The following MFSD1 variants were observed in gnomAD, a reference collection of about 807,000 sequenced individuals.
The protein encoded by MFSD1 is major facilitator superfamily domain containing 1, also known as lysosomal dipeptide transporter MFSD1.
MFSD1 carries 59 observed loss-of-function variants against 67.1 expected under a neutral mutation model. The observed-to-expected ratio is 0.88, with a 90% confidence interval of 0.71 to 1.09. MFSD1 has a LOEUF of 1.09. Among genes scored for constraint, MFSD1 ranks in the 50% least tolerant of loss-of-function variants. The pLI is 0.00. For synonymous variants in MFSD1, 213 were observed against 200.3 expected (o/e 1.06, Z -0.54); for missense variants, 552 against 566.1 (o/e 0.97, Z 0.25).
chr3:158,809,153 GTTTTT>G lies in MFSD1; in HGVS notation c.441-15_441-11del. 1 of 1,205,250 alleles carries G rather than the reference GTTTTT, an allele frequency of 8.3e-7. No individual in the cohort carries two copies. The highest frequency in any genetic ancestry group is 2.6e-5 in the East Asian group (1 of 39,042). The allele number at this position is 1,205,250 out of a possible 1,614,324, so 74.7% of individuals were successfully genotyped here. A position where few individuals can be genotyped will look rare whatever the true frequency, so the allele number is the denominator to read the frequency against. On this transcript the variant is annotated intron_variant, in intron 5 of 15. Transcript: ENST00000415822. ...TATTTCTTTAAAGTTGTGACTTCTG[GTTTTT>G]TTTTTTTTTTCTATTTTTAGGATTG...
In MFSD1 at chr3:158,822,035, G is replaced by A; in HGVS notation, c.972G>A (p.Val324=). The A allele has an allele frequency of 1.2e-6, 2 of 1,613,858 alleles. No individual in the cohort carries two copies. Among genetic ancestry groups the A allele is most frequent in the Non-Finnish European group, 8.5e-7 (1 of 1,179,830 alleles). Reference sequence around the variant, plus strand: ...TGTCCCCGGTGTTTGGGCTCCTGGTGGATAAAACAGGGAAGAACATCATCT... The same window carrying A: ...TGTCCCCGGTGTTTGGGCTCCTGGTAGATAAAACAGGGAAGAACATCATCT... ...APMSPVFGLL[V]DKTGKNIIWV... Residue 324 remains valine (V), a synonymous_variant, in exon 11 of 16, where the codon GTG becomes GTA. Transcript: ENST00000415822.
At chr3:158,826,103 G>T (rs768038581) in intron 14 of MFSD1, 41 bp downstream of exon 14, 1 of 1,571,912 alleles carries the variant, frequency 6.4e-7, no homozygotes, top group South Asian at 1.1e-5. Context: ...AACCGCAGTG[G>T]ATCATCTTGT....
chr3:158,802,568 G>A (rs1458613298), intron 1 of MFSD1: 3 of 696,924 alleles, frequency 4.3e-6, no homozygotes, highest in Admixed American at 4.0e-5. Context: ...TTGCTCTTCA[G>A]TAAGTCCCAG....
At chr3:158,805,896 T>C (rs1729697644) in intron 3 of MFSD1, among the ~76,000 whole-genome samples, 1 of 152,184 alleles carries the variant, frequency 6.6e-6, no homozygotes, top group South Asian at 2.1e-4. Flanking sequence ...GGATGTACAG[T>C]ATTTGGCACA....
At chr3:158,802,429 T>TA in intron 1 of MFSD1, 114 bp downstream of exon 1, 1 of 1,213,798 alleles carries the variant, frequency 8.2e-7, no homozygotes, top group Non-Finnish European at 1.2e-6. Flanking sequence ...GCTTCTGTCT[T>TA]AAGCTCCTGG....
intron 5 of MFSD1, 142 bp downstream of exon 5, chr3:158,807,605 T>G: frequency 1.5e-6 from 1 of 654,174 alleles, no homozygotes; most frequent in Non-Finnish European, 2.6e-6. Flanking sequence ...GAGTATTTCT[T>G]AGTTGTCTTA....
intron 7 of MFSD1, among the ~76,000 whole-genome samples, chr3:158,817,726 C>G (rs1418366379): frequency 6.6e-6 from 1 of 152,142 alleles, no homozygotes; most frequent in Non-Finnish European, 1.5e-5. Flanking sequence ...CAATGACTTT[C>G]TTCACAGAAT....
intron 7 of MFSD1, 72 bp from the exon 8 acceptor site, chr3:158,819,577 C>T (rs1730558705): frequency 2.4e-6 from 2 of 825,334 alleles, no homozygotes; most frequent in Admixed American, 2.9e-5. Flanking sequence ...ATGTAATGTA[C>T]TTCTCCTTAG....
At chr3:158,828,676 T>A (rs1731135280) in intron 15 of MFSD1, among the ~76,000 whole-genome samples, 1 of 152,168 alleles carries the variant, frequency 6.6e-6, no homozygotes, top group Non-Finnish European at 1.5e-5. Context: ...AAAAGTATGC[T>A]GTCACATGCT....
At chr3:158,804,897 G>A (rs1729648054) in intron 2 of MFSD1, among the ~76,000 whole-genome samples, 1 of 152,094 alleles carries the variant, frequency 6.6e-6, no homozygotes, top group South Asian at 2.1e-4. Context: ...CTTTGGACAG[G>A]GAAAATGCAT....
intron 15 of MFSD1, among the ~76,000 whole-genome samples, chr3:158,827,822 A>T (rs578062800): frequency 2.6e-5 from 4 of 152,052 alleles, no homozygotes; most frequent in Non-Finnish European, 5.9e-5. Context: ...GAAAATTTAA[A>T]AATGGATATT....
At chr3:158,816,301 C>G (rs572783603) in intron 7 of MFSD1, among the ~76,000 whole-genome samples, 2,702 of 152,262 alleles carry the variant, frequency 0.018, 67 homozygotes, top group African/African-American at 0.061. Flanking sequence ...TTCTCCACAT[C>G]CTCTCCAGCA....
In MFSD1 at chr3:158,829,639, A is replaced by G. The variant is rs1410019713; in HGVS notation, c.*657A>G. 1 of 152,248 alleles carries G rather than the reference A, an allele frequency of 6.6e-6. No homozygotes were observed. Among genetic ancestry groups the G allele is most frequent in the Non-Finnish European group, 1.5e-5 (1 of 68,028 alleles). 9.4% of individuals were successfully genotyped at this position (152,248 alleles called of 1,614,324 possible). On this transcript the variant is annotated 3_prime_UTR_variant, in exon 16 of 16. Transcript: ENST00000415822. Reference sequence around the variant, plus strand: ...AAACTTTCTGTACAGTTTTTCTTATAGTCTAATAAGTAAAAAGTGTCCTTC... The same window carrying G: ...AAACTTTCTGTACAGTTTTTCTTATGGTCTAATAAGTAAAAAGTGTCCTTC...
At chr3:158,803,918 C>G (rs1344629574) in intron 1 of MFSD1, among the ~76,000 whole-genome samples, 1 of 151,946 alleles carries the variant, frequency 6.6e-6, no homozygotes, top group East Asian at 1.9e-4. Flanking sequence ...ATTCCTTTGT[C>G]CTTAAGCTAA....
At chr3:158,823,389 A>T in intron 11 of MFSD1, 39 bp from the exon 12 acceptor site, 1 of 1,342,068 alleles carries the variant, frequency 7.5e-7, no homozygotes, top group Non-Finnish European at 1.1e-6. Flanking sequence ...CCTTTTGGTT[A>T]ATGTAAGACT....
intron 9 of MFSD1, 106 bp from the exon 10 acceptor site, chr3:158,821,475 AGGTGGGAGAATAATAT>A: frequency 1.6e-6 from 1 of 642,774 alleles, no homozygotes; most frequent in Non-Finnish European, 2.7e-6. Flanking sequence ...AATATAAATA[AGGTGGGAGAATAATAT>A]CAAGAAAGAA....
chr3:158,813,735 T>C (rs1730157619), intron 6 of MFSD1, among the ~76,000 whole-genome samples: 2 of 151,892 alleles, frequency 1.3e-5, no homozygotes, highest in Non-Finnish European at 2.9e-5. Flanking sequence ...TATGTTATTT[T>C]TTTATACTAG....
At chr3:158,824,299 A>G in intron 13 of MFSD1, 63 bp downstream of exon 13, 1 of 1,175,546 alleles carries the variant, frequency 8.5e-7, no homozygotes, top group Non-Finnish European at 1.2e-6. Context: ...TCTTATTTTT[A>G]CTTAGGCATA....
intron 7 of MFSD1, among the ~76,000 whole-genome samples, chr3:158,817,451 A>T (rs890700867): frequency 6.6e-6 from 1 of 152,244 alleles, no homozygotes; most frequent in African/African-American, 2.4e-5. Context: ...CTTATACACC[A>T]ATAACAGACA....
Sources: allele counts gnomAD v4.1 joint callset (sites outside exome capture counted in the v4.1 genomes callset), GRCh38; gene constraint gnomAD v4.1.1; transcripts MANE v1.5; gene names NCBI Gene and HGNC (gene_info 2026-07-23, HGNC 2026-07-21).